NALCN: variants seen among roughly 807,000 people sequenced by gnomAD.
NALCN encodes the protein sodium leak channel NALCN.
A neutral mutation model predicts 225.3 loss-of-function variants in NALCN; 111 were observed. The ratio of observed to expected loss-of-function variants is 0.49; its 90% CI spans 0.42 to 0.58. The LOEUF (loss-of-function observed/expected upper bound fraction) is 0.58. Ranked by LOEUF, NALCN falls within the 20% of genes least tolerant of loss-of-function variation. NALCN has a pLI of 0.00. For missense variants in NALCN, 1,378 were observed against 2,202.4 expected, an observed-to-expected ratio of 0.63 and a Z score of 7.49; for synonymous variants, 764 against 769.0, an observed-to-expected ratio of 0.99 and a Z score of 0.11.
At chr13:101,218,426 T>A (rs529605461) in intron 13 of NALCN, among the ~76,000 whole-genome samples, 23 of 152,252 alleles carry the variant, frequency 1.5e-4, no homozygotes, top group Middle Eastern at 3.4e-3. Flanking sequence ...TTCCCTTGTA[T>A]CTTACGGCTT....
intron 15 of NALCN, among the ~76,000 whole-genome samples, chr13:101,157,348 A>T (rs1274325680): frequency 6.6e-6 from 1 of 152,174 alleles, no homozygotes; most frequent in Non-Finnish European, 1.5e-5. Context: ...TTCTCCAATA[A>T]AACAAATCAG....
intron 1 of NALCN, among the ~76,000 whole-genome samples, chr13:101,415,598 T>C (rs1323902035): frequency 6.6e-6 from 1 of 152,182 alleles, no homozygotes; most frequent in Non-Finnish European, 1.5e-5. Context: ...AGCCAGGCCA[T>C]CCTTGCTGGT....
rs968556629 is a variant in NALCN, at chr13:101,182,012, T to TA, written c.1765-5639dup. 3.7e-4 allele frequency among the ~76,000 whole-genome samples: 56 copies of TA among 151,022 alleles called. 1 individual carries two copies. Among genetic ancestry groups the TA allele is most frequent in the Admixed American group, 3.4e-3 (52 of 15,116 alleles). On this transcript the variant is annotated intron_variant, in intron 14 of 43. Transcript: ENST00000251127. ...AGCCGGGCGTGGTGGCGGGTGCCTG[T>TA]AGTCCCAGTTACTCCGGAGGCTGAG...
chr13:101,356,637 T>C (rs774567617), intron 6 of NALCN, among the ~76,000 whole-genome samples: 14 of 152,204 alleles, frequency 9.2e-5, no homozygotes, highest in Non-Finnish European at 1.6e-4. Flanking sequence ...CTTCTGAAAC[T>C]ATTCCAAAAG....
At chr13:101,115,212 C>T (rs1382795239) in intron 18 of NALCN, among the ~76,000 whole-genome samples, 2 of 151,844 alleles carry the variant, frequency 1.3e-5, no homozygotes, top group African/African-American at 4.8e-5. Context: ...AATATGATGC[C>T]ACTCAAGAAT....
chr13:101,091,569 T>A (rs959016846), intron 28 of NALCN, among the ~76,000 whole-genome samples: 1 of 127,426 alleles, frequency 7.8e-6, no homozygotes, highest in South Asian at 2.8e-4. Flanking sequence ...TTCTGCTTTA[T>A]ATTTTTTTAT....
chr13:101,286,464 T>C (rs2043342409), intron 9 of NALCN, among the ~76,000 whole-genome samples: 1 of 152,164 alleles, frequency 6.6e-6, no homozygotes, highest in Non-Finnish European at 1.5e-5. Flanking sequence ...CATGCTAGTC[T>C]ACAAGGTGAC....
At chr13:101,097,755 C>T (rs545174412) in intron 27 of NALCN, among the ~76,000 whole-genome samples, 6 of 152,264 alleles carry the variant, frequency 3.9e-5, no homozygotes, top group Non-Finnish European at 5.9e-5. Flanking sequence ...TTCTCATCAA[C>T]GAAATTCCAA....
rs367571463 is a variant in NALCN at position 101,395,410 on chromosome 13, T to C, written c.109-45A>G. 7.6e-6 allele frequency: 12 copies of C among 1,573,660 alleles called. No homozygotes were observed. In the South Asian group the frequency reaches 8.2e-5, roughly 11 times the overall value. On this transcript the variant is annotated intron_variant, in intron 2 of 43. Coordinates refer to ENST00000251127, the MANE Select transcript of NALCN (RefSeq NM_052867.4). ...TTACTACACGGCACCATAACTGATA[T>C]CTCAAACTTGTATTATGAACCACAC...
intron 6 of NALCN, chr13:101,368,646 G>A (rs1369742430): frequency 1.3e-5 from 2 of 152,180 alleles, no homozygotes; most frequent in Non-Finnish European, 2.9e-5. Flanking sequence ...ACGGTAAAAT[G>A]GTGCTGACAG....
At chr13:101,102,990 G>T (rs1193529204) in intron 26 of NALCN, among the ~76,000 whole-genome samples, 182 bp downstream of exon 26, 1 of 152,134 alleles carries the variant, frequency 6.6e-6, no homozygotes, top group Non-Finnish European at 1.5e-5. Flanking sequence ...AAACTCATAC[G>T]CCAGAAGTGC....
chr13:101,376,902 T>C lies in NALCN; in HGVS notation c.515+15A>G, dbSNP rs372971243. 3.2e-4 allele frequency: 509 copies of C among 1,614,016 alleles called. No individual in the cohort carries two copies. Among genetic ancestry groups the C allele is most frequent in the Non-Finnish European group, 4.1e-4 (483 of 1,180,008 alleles). ...ATAAACTTTTCCTCTTAACTTATTG[T>C]AAAGCAGCGCTCACTTTAAAATATT... On this transcript the variant is annotated intron_variant, in intron 5 of 43. Transcript: ENST00000251127.
chr13:101,162,804 A>T (rs1359519002), intron 15 of NALCN, among the ~76,000 whole-genome samples: 1 of 152,244 alleles, frequency 6.6e-6, no homozygotes, highest in Non-Finnish European at 1.5e-5. Context: ...AAAATAAAAT[A>T]GCATCCTTAC....
intron 11 of NALCN, among the ~76,000 whole-genome samples, chr13:101,242,110 G>A (rs1387078105): frequency 9.5e-6 from 1 of 105,388 alleles, no homozygotes; most frequent in African/African-American, 3.4e-5. Context: ...TACCTTGCAG[G>A]GCCACTTTGT....
intron 6 of NALCN, among the ~76,000 whole-genome samples, chr13:101,350,414 T>C (rs1022535744): frequency 1.3e-5 from 2 of 152,032 alleles, no homozygotes; most frequent in Admixed American, 6.6e-5. Context: ...TAACTATCAT[T>C]TTCTCGGGGG....
At chr13:101,322,273 T>C (rs960526969) in intron 7 of NALCN, among the ~76,000 whole-genome samples, 1 of 152,210 alleles carries the variant, frequency 6.6e-6, no homozygotes, top group Non-Finnish European at 1.5e-5. Context: ...TGCACAAATA[T>C]ATATGACACA....
chr13:101,252,009 CT>C, intron 11 of NALCN, among the ~76,000 whole-genome samples: 1 of 152,324 alleles, frequency 6.6e-6, no homozygotes, highest in African/African-American at 2.4e-5. Flanking sequence ...GAGACAAACA[CT>C]GACTTGGAAA....
At chr13:101,062,412 A>AAAAG (rs1236862139) in intron 40 of NALCN, among the ~76,000 whole-genome samples, 1 of 152,146 alleles carries the variant, frequency 6.6e-6, no homozygotes, top group East Asian at 1.9e-4. Flanking sequence ...CCTGTAAAGC[A>AAAAG]AAAGATCCAG....
intron 18 of NALCN, among the ~76,000 whole-genome samples, chr13:101,114,453 C>CTT (rs1161852101): frequency 3.3e-5 from 5 of 151,542 alleles, no homozygotes; most frequent in Non-Finnish European, 5.9e-5. Flanking sequence ...CTCTCTCTCT[C>CTT]GCTGACTTGC....
Sources: allele counts gnomAD v4.1 joint callset (sites outside exome capture counted in the v4.1 genomes callset), GRCh38; gene constraint gnomAD v4.1.1; transcripts MANE v1.5; gene names NCBI Gene and HGNC (gene_info 2026-07-23, HGNC 2026-07-21).